NID1: variants seen among roughly 807,000 people sequenced by gnomAD.
NID1 encodes nidogen-1.
Under a neutral mutation model 130.6 loss-of-function variants are expected in NID1, and 76 were observed. The ratio of observed to expected loss-of-function variants is 0.58; its 90% CI spans 0.48 to 0.70. The LOEUF is 0.70. NID1 is among the 30% of genes least tolerant of loss of function. NID1 has a pLI of 0.00. For synonymous variants in NID1, 665 were observed against 675.1 expected (o/e 0.98, Z 0.23); for missense variants, 1,517 against 1,664.8 (o/e 0.91, Z 1.54).
chr1:236,003,343 G>A (rs532853814), intron 12 of NID1, among the ~76,000 whole-genome samples: 4 of 152,196 alleles, frequency 2.6e-5, no homozygotes, highest in Non-Finnish European at 4.4e-5. Context: ...AGATGCTTAA[G>A]AAATATTTAA....
In NID1 at chr1:236,026,009, C is replaced by A. The variant is rs370448421; in HGVS notation, c.1871G>T (p.Arg624Leu). Residue 624 changes from arginine to leucine, a missense_variant, in exon 8 of 20, where the codon CGG (arginine) becomes CTG (leucine). By Grantham distance (102) the Arg-to-Leu change is moderately radical (BLOSUM62 -2). This residue lies in a region of NID1 where 1,329 missense variants were observed against 1,429.2 expected (regional missense o/e 0.93). Transcript: ENST00000264187. ...CTGCTGGGTGCTGGGCAGGGCTGGC[C>A]GGGAGTCATCGTGGACGCATTCCTG... ...TFQECVHDDS[R>L]PALPSTQQLS... is the part of the protein sequence containing the mutation. The A allele has an allele frequency of 1.9e-6, 3 of 1,613,088 alleles. No individual in the cohort carries two copies. The African/African-American group carries it at 4.0e-5, about 22-fold the overall frequency.
At chr1:236,026,166 G>A in intron 7 of NID1, 25 bp from the exon 8 acceptor site, 3 of 1,610,482 alleles carry the variant, frequency 1.9e-6, no homozygotes, top group Non-Finnish European at 2.5e-6. Flanking sequence ...GGATGGAGGG[G>A]ACAAGGCAGG....
rs756150413 is a variant in NID1, at chr1:236,024,086, G to A, written c.2112C>T (p.Asp704=). The change falls in exon 9 of 20, where the codon GAC becomes GAT. Residue 704 remains aspartate, a synonymous_variant. Transcript: ENST00000264187. ...TCECSIGFRG[D]GRTCYDIDEC... is the part of the protein sequence containing the mutation. The stretch of plus-strand genomic sequence containing the variant: ...AGGCTGTACCATAGCAGGTTCGCCC[G>A]TCTCCTCGGAAGCCGATGGAGCACT... 1 of 1,614,106 alleles carries A rather than the reference G, an allele frequency of 6.2e-7. No homozygotes were observed. Among genetic ancestry groups the A allele is most frequent in the Non-Finnish European group, 8.5e-7 (1 of 1,180,038 alleles).
At chr1:236,002,822 C>T (rs1453305211) in intron 12 of NID1, among the ~76,000 whole-genome samples, 5 of 152,154 alleles carry the variant, frequency 3.3e-5, no homozygotes, top group Admixed American at 6.5e-5. Flanking sequence ...GGCGGTCAGA[C>T]GTGGCCACAG....
At chr1:236,005,734 A>G (rs1658228423) in intron 12 of NID1, among the ~76,000 whole-genome samples, 1 of 152,226 alleles carries the variant, frequency 6.6e-6, no homozygotes, top group South Asian at 2.1e-4. Context: ...GGTCAAAAAC[A>G]TAGCTTATCT....
intron 14 of NID1, among the ~76,000 whole-genome samples, 173 bp downstream of exon 14, chr1:235,990,713 G>A (rs966290636): frequency 1.3e-5 from 2 of 151,996 alleles, no homozygotes; most frequent in East Asian, 3.9e-4. Flanking sequence ...GAAAGATCAC[G>A]AGCAGCTCAG....
At chr1:236,038,548 C>A (rs998416254) in intron 4 of NID1, among the ~76,000 whole-genome samples, 12 of 151,950 alleles carry the variant, frequency 7.9e-5, no homozygotes, top group Non-Finnish European at 1.8e-4. Flanking sequence ...GTGTACTTGG[C>A]ATCAATGTTA....
chr1:236,034,589 A>G (rs1032539841), intron 5 of NID1, among the ~76,000 whole-genome samples: 1 of 152,180 alleles, frequency 6.6e-6, no homozygotes, highest in African/African-American at 2.4e-5. Flanking sequence ...TGGAATAGGA[A>G]CACCTATAAA....
At position 236,029,672 on chromosome 1, in the gene NID1, C is replaced by T; in HGVS notation, c.1616G>A (p.Gly539Asp). 3.7e-6 allele frequency: 6 copies of T among 1,613,986 alleles called. No homozygotes were observed. Among genetic ancestry groups the T allele is most frequent in the Non-Finnish European group, 5.1e-6 (6 of 1,180,026 alleles). The change falls in exon 7 of 20, where the codon GGC becomes GAC. Residue 539 changes from glycine to aspartate, a missense_variant. Around this residue, in one of 3 missense-constraint regions of NID1, gnomAD observed 1,329 missense variants for 1,429.2 expected, o/e 0.93. Transcript: ENST00000264187. ...GGTCAGGTGCCCATGCTCATCGATG[C>T]CGCTGAACCGCTGCTTAATGACCAG... ...GNLVIKQRFS[G>D]IDEHGHLTID...
intron 2 of NID1, among the ~76,000 whole-genome samples, chr1:236,048,430 C>T (rs912260382): frequency 6.6e-6 from 1 of 152,148 alleles, no homozygotes; most frequent in Non-Finnish European, 1.5e-5. Flanking sequence ...TTTATCAACC[C>T]TATTTTTGCC....
intron 1 of NID1, among the ~76,000 whole-genome samples, chr1:236,058,288 C>G (rs1352880652): frequency 1.3e-5 from 2 of 152,212 alleles, no homozygotes; most frequent in African/African-American, 2.4e-5. Context: ...AGTTAAACTT[C>G]AGCTCACTAT....
At chr1:236,046,044 T>G (rs566004386) in intron 2 of NID1, among the ~76,000 whole-genome samples, 3 of 152,304 alleles carry the variant, frequency 2.0e-5, no homozygotes, top group African/African-American at 7.2e-5. Context: ...GTTAACATAT[T>G]CAACCGCATT....
intron 16 of NID1, 42 bp from the exon 17 acceptor site, chr1:235,980,695 AG>A: frequency 1.3e-6 from 2 of 1,587,326 alleles, no homozygotes; most frequent in Non-Finnish European, 1.7e-6. Context: ...AGAAATAATA[AG>A]GATGCATGAG....
At chr1:236,060,333 C>G (rs190575628) in intron 1 of NID1, among the ~76,000 whole-genome samples, 20 of 152,196 alleles carry the variant, frequency 1.3e-4, no homozygotes, top group Non-Finnish European at 4.4e-5. Flanking sequence ...TCACTCTCAT[C>G]GCCGTCTTGG....
At position 236,042,013 on chromosome 1, in the gene NID1, T is replaced by C; in HGVS notation, c.1032A>G (p.Gly344=). The C allele has an allele frequency of 1.9e-6, 3 of 1,613,990 alleles. No individual in the cohort carries two copies. Among genetic ancestry groups the C allele is most frequent in the Non-Finnish European group, 2.5e-6 (3 of 1,179,986 alleles). Residue 344 remains glycine, a synonymous_variant, in exon 4 of 20, where the codon GGA becomes GGG. Coordinates refer to ENST00000264187, the MANE Select transcript of NID1 (RefSeq NM_002508.3). ...PRRAATERPL[G]PPTERTRSFQ... is the part of the protein sequence containing the mutation. ...AAGACCTGGTTCTCTCTGTGGGAGG[T>C]CCAAGGGGCCTTTCGGTAGCTGCCC...
At chr1:235,992,576 C>T (rs954104874) in intron 13 of NID1, among the ~76,000 whole-genome samples, 3 of 152,152 alleles carry the variant, frequency 2.0e-5, no homozygotes, top group Non-Finnish European at 4.4e-5. Context: ...GCCAGGATTC[C>T]GCCTCGGCTC....
chr1:235,998,514 A>G (rs1002224256), intron 12 of NID1, among the ~76,000 whole-genome samples: 6 of 152,054 alleles, frequency 3.9e-5, no homozygotes, highest in Non-Finnish European at 8.8e-5. Context: ...GTCTGTACTA[A>G]AAGTACAAAA....
intron 1 of NID1, among the ~76,000 whole-genome samples, chr1:236,063,767 C>T (rs1304590881): frequency 6.6e-6 from 1 of 152,136 alleles, no homozygotes; most frequent in Non-Finnish European, 1.5e-5. Context: ...GCCTGGGCAA[C>T]AGAGCAAGAC....
chr1:236,029,416 G>A (rs916258225), intron 7 of NID1, 134 bp downstream of exon 7: 68 of 802,916 alleles, frequency 8.5e-5, no homozygotes, highest in Non-Finnish European at 1.3e-4. Context: ...TTGAGGGGAA[G>A]GTGACTGTAA....
Sources: allele counts gnomAD v4.1 joint callset (sites outside exome capture counted in the v4.1 genomes callset), GRCh38; gene constraint gnomAD v4.1.1; regional missense constraint gnomAD v4.1.1; transcripts MANE v1.5; gene names NCBI Gene and HGNC (gene_info 2026-07-23, HGNC 2026-07-21).